Variants in CFAP44 observed in about 807,000 individuals in gnomAD.
CFAP44 encodes the protein cilia- and flagella-associated protein 44.
Under a neutral mutation model 216.2 loss-of-function variants are expected in CFAP44, and 134 were observed. The observed-to-expected ratio is 0.62, with a 90% CI of 0.54 to 0.72. The LOEUF (loss-of-function observed/expected upper bound fraction) is 0.72, where lower values mean the gene tolerates loss of function less well. CFAP44 is among the 30% of genes least tolerant of loss of function. The pLI, the probability that CFAP44 is intolerant of heterozygous loss-of-function variation, is 0.00. For missense variants in CFAP44, 2,035 were observed against 2,182.1 expected (o/e 0.93, Z 1.34); for synonymous variants, 700 against 727.6 (o/e 0.96, Z 0.61).
chr3:113,306,202 T>A lies in CFAP44; in HGVS notation c.4757A>T (p.Lys1586Ile). Residue 1586 changes from lysine to isoleucine, a missense_variant and splice_region_variant, in exon 30 of 35, where the codon AAA becomes ATA. Transcript: ENST00000393845. ...AAATAAGTAAACAGATCACCATACT[T>A]TTTTTGACAATGTATCATATTCCTT... ...LKKEYDTLSK[K>I]VKIVATNLNA... The A allele has an allele frequency of 6.5e-7, 1 of 1,535,666 alleles. No homozygotes were observed. The highest frequency in any genetic ancestry group is 8.7e-7 in the Non-Finnish European group (1 of 1,146,372).
At chr3:113,365,941 T>C (rs1950582850) in intron 19 of CFAP44, 98 bp downstream of exon 19, 1 of 1,359,564 alleles carries the variant, frequency 7.4e-7, no homozygotes, top group African/African-American at 1.5e-5. Context: ...GGTGAATGTG[T>C]CTAAATAACT....
At chr3:113,400,075 T>A in intron 12 of CFAP44, 75 bp from the exon 13 acceptor site, 1 of 938,958 alleles carries the variant, frequency 1.1e-6, no homozygotes. Context: ...TTTTTACATG[T>A]TGAATATTAT....
At chr3:113,404,838 C>T (rs1168718753) in intron 8 of CFAP44, among the ~76,000 whole-genome samples, 2 of 152,148 alleles carry the variant, frequency 1.3e-5, no homozygotes, top group Non-Finnish European at 2.9e-5. Flanking sequence ...CCCAAAACTA[C>T]CCAGTCAGCA....
chr3:113,304,552 G>A (rs189550936), intron 31 of CFAP44, among the ~76,000 whole-genome samples: 1 of 152,264 alleles, frequency 6.6e-6, no homozygotes, highest in Admixed American at 6.5e-5. Context: ...TTAATGATAT[G>A]TATTCCTGCA....
At chr3:113,418,785 A>G (rs1934724765) in intron 5 of CFAP44, among the ~76,000 whole-genome samples, 1 of 151,874 alleles carries the variant, frequency 6.6e-6, no homozygotes, top group Non-Finnish European at 1.5e-5. Flanking sequence ...AGTTCACTGC[A>G]ACCTCCACTT....
Position 113,400,604 on chromosome 3 carries a change from G to A in CFAP44, c.1415C>T (p.Ala472Val). The change falls in exon 12 of 35, where the codon GCT becomes GTT. Residue 472 changes from alanine (A) to valine (V), a missense_variant. Transcript: ENST00000393845. ...AGGAGAAACAGCCACGGCTTCAATA[G>A]CTCCAGAATGGAAGGAGAAGAGGCA... ...PECLFSFHSG[A>V]IEAVAVSPLT... 1.2e-6 allele frequency: 2 copies of A among 1,610,960 alleles called. No homozygotes were observed. The highest frequency in any genetic ancestry group is 1.7e-6 in the Non-Finnish European group (2 of 1,178,532).
chr3:113,369,920 T>C (rs1344023181), intron 18 of CFAP44, among the ~76,000 whole-genome samples: 3 of 152,210 alleles, frequency 2.0e-5, no homozygotes, highest in South Asian at 4.2e-4. Flanking sequence ...CCCACAGAAA[T>C]ACAAACTACC....
At chr3:113,431,146 T>TG (rs893811188) in intron 2 of CFAP44, among the ~76,000 whole-genome samples, 1 of 151,414 alleles carries the variant, frequency 6.6e-6, no homozygotes, top group South Asian at 2.1e-4. Flanking sequence ...TTTTCAGGGG[T>TG]GGGGGGAATG....
At chr3:113,342,465 T>A (rs1257953758) in intron 23 of CFAP44, among the ~76,000 whole-genome samples, 2 of 152,164 alleles carry the variant, frequency 1.3e-5, no homozygotes, top group African/African-American at 4.8e-5. Flanking sequence ...AAAACCCTTA[T>A]TAAAAAGTTG....
At chr3:113,339,201 G>A (rs1354071032) in intron 24 of CFAP44, among the ~76,000 whole-genome samples, 1 of 152,130 alleles carries the variant, frequency 6.6e-6, no homozygotes, top group Non-Finnish European at 1.5e-5. Context: ...AAACCCTTGT[G>A]CAGAGGGCTA....
Position 113,291,605 on chromosome 3 carries a change from T to C in CFAP44, c.5517A>G (p.Pro1839=). ...CTTTCTCTCGTGGAGACTGAATGGG[T>C]GGGAGGATAAGACTGCCTTTCCTAC... is the stretch of plus-strand genomic sequence containing the variant. The part of the protein sequence containing the change: ...LLRRKGSLIL[P]PIQSPREKEI... Residue 1839 remains proline (P), a synonymous_variant, in exon 35 of 35, where the codon CCA becomes CCG. Coordinates refer to ENST00000393845, the MANE Select transcript of CFAP44 (RefSeq NM_001164496.2). 1 of 1,537,208 alleles carries C rather than the reference T, an allele frequency of 6.5e-7. No homozygotes were observed. Among genetic ancestry groups the C allele is most frequent in the Non-Finnish European group, 8.7e-7 (1 of 1,146,908 alleles).
In CFAP44 at chr3:113,330,293, T is replaced by C. The variant is rs1215175283; in HGVS notation, c.3991A>G (p.Thr1331Ala). 2.6e-6 allele frequency: 4 copies of C among 1,537,396 alleles called. No homozygotes were observed. Among genetic ancestry groups the C allele is most frequent in the African/African-American group, 2.7e-5 (2 of 73,162 alleles). Reference sequence around the variant, plus strand: ...CACTTTGGTATATCTAGGCTGAATGTTGATGCCTTTGATGATCTAGATATT... The same window carrying C: ...CACTTTGGTATATCTAGGCTGAATGCTGATGCCTTTGATGATCTAGATATT... ...DSISRSSKAS[T>A]FSLDIPKCLE... Residue 1331 changes from threonine (T) to alanine (A), a missense_variant, in exon 26 of 35, where the codon ACA becomes GCA. Physicochemically the swap from Thr to Ala is moderately conservative, Grantham distance 58 (BLOSUM62 0). Around this residue, in one of 3 missense-constraint regions of CFAP44, gnomAD observed 1,883 missense variants for 2,023.7 expected, o/e 0.93. Coordinates refer to ENST00000393845, the MANE Select transcript of CFAP44 (RefSeq NM_001164496.2).
Position 113,287,117 on chromosome 3 carries a change from G to A in CFAP44, c.*4440C>T, listed in dbSNP as rs73235156. 0.012 allele frequency: 6,194 copies of A among 500,664 alleles called. 94 individuals carry two copies. Among genetic ancestry groups the A allele is most frequent in the Middle Eastern group, 0.021 (66 of 3,198 alleles). 31.0% of individuals were successfully genotyped at this position (500,664 alleles called of 1,614,324 possible). On this transcript the variant is annotated 3_prime_UTR_variant, in exon 35 of 35. Coordinates refer to ENST00000393845, the MANE Select transcript of CFAP44 (RefSeq NM_001164496.2). ...CCAGGAAAGCACCGCACAGGCTGGC[G>A]CGGGACAGACTCCTAACCTGGGGCC...
chr3:113,406,917 C>T lies in CFAP44; in HGVS notation c.1005+10G>A, dbSNP rs1934299993. On this transcript the variant is annotated intron_variant, in intron 8 of 34. Coordinates refer to ENST00000393845, the MANE Select transcript of CFAP44 (RefSeq NM_001164496.2). Reference sequence around the variant, plus strand: ...CAATTTTAATATTGTAGAATAGTAGCTGTACTCACCTTCCCATCTGGGAGC... The same window carrying T: ...CAATTTTAATATTGTAGAATAGTAGTTGTACTCACCTTCCCATCTGGGAGC... 2 of 1,591,308 alleles carry T rather than the reference C, an allele frequency of 1.3e-6. No individual in the cohort carries two copies. The highest frequency in any genetic ancestry group is 1.3e-5 in the African/African-American group (1 of 74,514).
chr3:113,403,821 G>T lies in CFAP44; in HGVS notation c.1170+31C>A, dbSNP rs765661948. On this transcript the variant is annotated intron_variant, in intron 9 of 34. Coordinates refer to ENST00000393845, the MANE Select transcript of CFAP44 (RefSeq NM_001164496.2). ...GGTGAGCTACAAGTCTTAAACGTGGGTGCTACCATCCAAGTATCGAGAAAA... is the reference window on the plus strand; with the variant it reads ...GGTGAGCTACAAGTCTTAAACGTGGTTGCTACCATCCAAGTATCGAGAAAA... 3 of 1,600,624 alleles carry T rather than the reference G, an allele frequency of 1.9e-6. No individual in the cohort carries two copies. In the African/African-American group the frequency reaches 4.0e-5, roughly 21 times the overall value.
intron 28 of CFAP44, among the ~76,000 whole-genome samples, chr3:113,325,569 C>T (rs369646830): frequency 1.3e-5 from 2 of 151,896 alleles, no homozygotes; most frequent in African/African-American, 4.8e-5. Context: ...CTCAGCCTCC[C>T]TAGTAGCTCG....
intron 32 of CFAP44, among the ~76,000 whole-genome samples, chr3:113,300,083 T>C (rs1445125230): frequency 6.6e-6 from 1 of 152,162 alleles, no homozygotes; most frequent in Non-Finnish European, 1.5e-5. Context: ...CTGAAGTCAT[T>C]ACATTAAGTG....
chr3:113,349,516 T>A (rs991760581), intron 22 of CFAP44, among the ~76,000 whole-genome samples: 3 of 152,216 alleles, frequency 2.0e-5, no homozygotes, highest in African/African-American at 7.2e-5. Flanking sequence ...GCCAATCACC[T>A]GGTAGGGCTT....
At chr3:113,410,512 T>TG (rs1442966131) in intron 6 of CFAP44, among the ~76,000 whole-genome samples, 105 of 152,278 alleles carry the variant, frequency 6.9e-4, no homozygotes, top group African/African-American at 2.1e-3. Flanking sequence ...TATTCCATGG[T>TG]TATATGTGCC....
Sources: gnomAD v4.1 joint callset for allele counts (sites outside exome capture counted in the v4.1 genomes callset) on GRCh38, gnomAD v4.1.1 for gene constraint, gnomAD v4.1.1 regional missense constraint, MANE v1.5 for transcripts, NCBI Gene and HGNC (gene_info 2026-07-23, HGNC 2026-07-21) for gene names.